The following GNG7 variants were observed in gnomAD, a reference collection of about 807,000 sequenced individuals.
The protein encoded by GNG7 is guanine nucleotide-binding protein G(I)/G(S)/G(O) subunit gamma-7.
Under a neutral mutation model 4.0 loss-of-function variants are expected in GNG7, and 1 was observed. The observed-to-expected ratio is 0.25, with a 90% CI of 0.09 to 1.18. The LOEUF (loss-of-function observed/expected upper bound fraction) is 1.18. GNG7 is among the 50% of genes most tolerant of loss of function. GNG7 has a pLI of 0.50. For synonymous variants in GNG7, 34 were observed against 36.9 expected (o/e 0.92, Z 0.29); for missense variants, 86 against 91.9 (o/e 0.94, Z 0.26).
rs568886747 is a variant in GNG7, at chr19:2,557,207, GCACA to G, written c.-77-2023_-77-2020del. ...AAGACACGTGCACACACATTTGCATGCACACACAGACACACATGCACACACAGAC... is the reference window on the plus strand; with the variant it reads ...AAGACACGTGCACACACATTTGCATGCACAGACACACATGCACACACAGAC... On this transcript the variant is annotated intron_variant, in intron 2 of 4. Transcript: ENST00000382159. The surrounding 1 kb of genome is among the most constrained non-coding windows in gnomAD (Gnocchi z 5.1). 3.3e-5 allele frequency among the ~76,000 whole-genome samples: 5 copies of G among 150,092 alleles called. No individual in the cohort carries two copies. The highest frequency in any genetic ancestry group is 1.2e-4 in the African/African-American group (5 of 40,488).
chr19:2,532,172 A>C (rs1191829217), intron 3 of GNG7, among the ~76,000 whole-genome samples: 6 of 150,864 alleles, frequency 4.0e-5, no homozygotes, highest in South Asian at 4.2e-4. Flanking sequence ...CAAAAAAAAA[A>C]ACAAAAACCA....
intron 2 of GNG7, among the ~76,000 whole-genome samples, chr19:2,607,897 C>T (rs969110965): frequency 6.6e-6 from 1 of 152,082 alleles, no homozygotes; most frequent in Non-Finnish European, 1.5e-5. Context: ...GACAGCAATA[C>T]GTTCAGGCGA....
intron 3 of GNG7, among the ~76,000 whole-genome samples, chr19:2,554,670 T>A (rs145763694): frequency 0.011 from 1,613 of 151,824 alleles, 9 homozygotes; most frequent in Non-Finnish European, 0.017. Context: ...TTCTCCTGCC[T>A]CAGCTTCCAG....
Position 2,596,800 on chromosome 19 carries a change from A to T in GNG7, c.-77-41612T>A, listed in dbSNP as rs967623622. Among the ~76,000 whole-genome samples, 4 of 152,208 alleles carry T rather than the reference A, an allele frequency of 2.6e-5. No individual in the cohort carries two copies. In the South Asian group the frequency reaches 8.3e-4, roughly 32 times the overall value. ...CTGGGGAGTGAGATTTGTGATGAAG[A>T]TGTCTCCATTCTCACTCCTGCAGTA... On this transcript the variant is annotated intron_variant, in intron 2 of 4. Coordinates refer to ENST00000382159, the MANE Select transcript of GNG7 (RefSeq NM_052847.3).
intron 1 of GNG7, among the ~76,000 whole-genome samples, chr19:2,650,175 A>G (rs1982772809): frequency 7.0e-6 from 1 of 142,188 alleles, no homozygotes; most frequent in Non-Finnish European, 1.5e-5. Flanking sequence ...TATTCGTGTC[A>G]TAGGAATCTT....
Position 2,562,997 on chromosome 19 carries a change from T to C in GNG7, c.-77-7809A>G, listed in dbSNP as rs187799882. Reference sequence around the variant, plus strand: ...TCTCGCTCTGTCGCCCAGGCTGGAGTGCAGTGGCGTGATCTCGGCTCACTG... The same window carrying C: ...TCTCGCTCTGTCGCCCAGGCTGGAGCGCAGTGGCGTGATCTCGGCTCACTG... On this transcript the variant is annotated intron_variant, in intron 2 of 4. Coordinates refer to ENST00000382159, the MANE Select transcript of GNG7 (RefSeq NM_052847.3). Among the ~76,000 whole-genome samples, 166 of 152,122 alleles carry C rather than the reference T, an allele frequency of 1.1e-3. 1 individual carries two copies. Among genetic ancestry groups the C allele is most frequent in the African/African-American group, 3.9e-3 (162 of 41,510 alleles).
At chr19:2,598,643 C>T (rs748631307) in intron 2 of GNG7, among the ~76,000 whole-genome samples, 5 of 150,170 alleles carry the variant, frequency 3.3e-5, no homozygotes, top group South Asian at 4.2e-4. Flanking sequence ...AGCGACAGAG[C>T]GAGACTCCGT....
chr19:2,669,447 G>A (rs1228114617), intron 1 of GNG7, among the ~76,000 whole-genome samples: 1 of 152,126 alleles, frequency 6.6e-6, no homozygotes, highest in Admixed American at 6.5e-5. Flanking sequence ...CCGGGATCGT[G>A]CCACTGCACT....
At chr19:2,643,210 C>G (rs1441193926) in intron 2 of GNG7, 1 of 451,752 alleles carries the variant, frequency 2.2e-6, no homozygotes. Context: ...CACCTTCCGG[C>G]CTTGCACTGT....
rs552768812 is a variant in GNG7 at position 2,569,436 on chromosome 19, C to T, written c.-77-14248G>A. Among the ~76,000 whole-genome samples the T allele has an allele frequency of 1.4e-4, 22 of 152,074 alleles. No homozygotes were observed. The South Asian group carries it at 4.2e-3, about 29-fold the overall frequency. On this transcript the variant is annotated intron_variant, in intron 2 of 4. Coordinates refer to ENST00000382159, the MANE Select transcript of GNG7 (RefSeq NM_052847.3). ...GACTACAGGCGCCCGCCACCACACCCGGCTAATTTTTTGTATTTTTAGTAG... is the reference window on the plus strand; with the variant it reads ...GACTACAGGCGCCCGCCACCACACCTGGCTAATTTTTTGTATTTTTAGTAG...
Position 2,661,308 on chromosome 19 carries a change from G to GAAAGAAAGAAAGAA in GNG7, c.-134-15042_-134-15029dup, listed in dbSNP as rs1568277833. 2.6e-4 allele frequency among the ~76,000 whole-genome samples: 33 copies of GAAAGAAAGAAAGAA among 129,378 alleles called. 1 individual carries two copies. The highest frequency in any genetic ancestry group is 8.0e-4 in the African/African-American group (26 of 32,622). The allele number at this position is 129,378 out of a possible 152,430, so 84.9% of individuals were successfully genotyped here. A position where few individuals can be genotyped will look rare whatever the true frequency, so the allele number is the denominator to read the frequency against. On this transcript the variant is annotated intron_variant, in intron 1 of 4. Coordinates refer to ENST00000382159, the MANE Select transcript of GNG7 (RefSeq NM_052847.3). The stretch of plus-strand genomic sequence containing the variant: ...AAAGAAAGAAAGAAAGAAAGAGAAA[G>GAAAGAAAGAAAGAA]AAAGAAAGAAAGAAAGAAAGAAAGA...
chr19:2,565,234 A>T (rs10405346), intron 2 of GNG7, among the ~76,000 whole-genome samples: 2 of 151,728 alleles, frequency 1.3e-5, no homozygotes, highest in Admixed American at 6.6e-5. Context: ...AAGCTGTGCC[A>T]GGCGCGGTGG....
chr19:2,587,932 G>A (rs911130487), intron 2 of GNG7, among the ~76,000 whole-genome samples: 17 of 149,928 alleles, frequency 1.1e-4, no homozygotes, highest in African/African-American at 2.2e-4. Context: ...AAGGAAGGAA[G>A]GAAAGAAAAG....
At chr19:2,585,074 GGGAT>G (rs1980629820) in intron 2 of GNG7, among the ~76,000 whole-genome samples, 1 of 133,486 alleles carries the variant, frequency 7.5e-6, no homozygotes, top group East Asian at 2.5e-4. Flanking sequence ...GAGGGAGGGA[GGGAT>G]GGAGGGAGGG....
intron 1 of GNG7, among the ~76,000 whole-genome samples, chr19:2,680,724 C>T (rs559528915): frequency 2.3e-4 from 35 of 152,052 alleles, no homozygotes; most frequent in African/African-American, 8.2e-4. Context: ...TACAGGCATG[C>T]ATCACCACGC....
At chr19:2,639,890 A>G (rs1231130184) in intron 2 of GNG7, among the ~76,000 whole-genome samples, 2 of 25,896 alleles carry the variant, frequency 7.7e-5, no homozygotes, top group Non-Finnish European at 1.5e-4. Flanking sequence ...AGGGAGGGAG[A>G]GAGGGAAGGA....
intron 2 of GNG7, among the ~76,000 whole-genome samples, chr19:2,602,893 C>CTTTT (rs1249994826): frequency 2.6e-5 from 2 of 76,962 alleles, no homozygotes; most frequent in South Asian, 3.5e-4. Flanking sequence ...CTTTCTTTTT[C>CTTTT]TCTTTTTCTT....
chr19:2,608,876 TCTGACCCGCTTTTTAAAGAAA>T (rs1981475218), intron 2 of GNG7, among the ~76,000 whole-genome samples: 1 of 152,244 alleles, frequency 6.6e-6, no homozygotes, highest in Non-Finnish European at 1.5e-5. Flanking sequence ...AAAGCCACCT[TCTGACCCGCTTTTTAAAGAAA>T]CTGAGGTAAG....
intron 2 of GNG7, among the ~76,000 whole-genome samples, chr19:2,568,449 CATATACAT>C (rs1980017030): frequency 1.2e-5 from 1 of 83,454 alleles, no homozygotes; most frequent in Non-Finnish European, 3.3e-5. Flanking sequence ...TACACACATA[CATATACAT>C]ACACACACAC....
Sources: gnomAD v4.1 joint callset for allele counts (sites outside exome capture counted in the v4.1 genomes callset) on GRCh38, gnomAD v4.1.1 for gene constraint, Gnocchi (gnomAD v3.1) non-coding constraint, MANE v1.5 for transcripts, NCBI Gene and HGNC (gene_info 2026-07-23, HGNC 2026-07-21) for gene names.